GLCE: variants seen among roughly 807,000 people sequenced by gnomAD.
The protein encoded by GLCE is D-glucuronyl C5-epimerase.
Under a neutral mutation model 47.9 loss-of-function variants are expected in GLCE, and 19 were observed. The observed-to-expected ratio is 0.40, with a 90% CI of 0.28 to 0.58. The LOEUF (loss-of-function observed/expected upper bound fraction) is 0.58, where lower values mean the gene tolerates loss of function less well. GLCE is among the 20% of genes least tolerant of loss of function. The pLI is 0.48. For synonymous variants in GLCE, 245 were observed against 263.4 expected (o/e 0.93, Z 0.68); for missense variants, 556 against 743.3 (o/e 0.75, Z 2.93).
intron 1 of GLCE, among the ~76,000 whole-genome samples, chr15:69,177,089 G>A (rs141598180): frequency 4.0e-4 from 60 of 150,360 alleles, no homozygotes; most frequent in Non-Finnish European, 6.6e-4. Flanking sequence ...GTGCAATCTC[G>A]GCTCTCTGCA....
chr15:69,228,037 A>C (rs543414891), intron 2 of GLCE, among the ~76,000 whole-genome samples: 1 of 152,260 alleles, frequency 6.6e-6, no homozygotes, highest in Admixed American at 6.5e-5. Context: ...ATTTAAGCCT[A>C]CTCTTAAAAT....
chr15:69,235,396 C>T (rs1032796786), intron 2 of GLCE, among the ~76,000 whole-genome samples: 5 of 144,174 alleles, frequency 3.5e-5, no homozygotes, highest in African/African-American at 5.9e-5. Context: ...GTATGAGTCA[C>T]TGTGCCCGGC....
intron 2 of GLCE, among the ~76,000 whole-genome samples, chr15:69,249,142 C>T (rs1827384828): frequency 6.6e-6 from 1 of 152,062 alleles, no homozygotes; most frequent in Admixed American, 6.6e-5. Flanking sequence ...TAAGCAGTGA[C>T]CTGAATGAAG....
intron 2 of GLCE, among the ~76,000 whole-genome samples, chr15:69,216,266 C>G (rs1274163814): frequency 6.6e-6 from 1 of 152,046 alleles, no homozygotes; most frequent in African/African-American, 2.4e-5. Context: ...ATTTTAGAGT[C>G]TTTGGTGAGA....
At chr15:69,234,702 AAGGTCTTAAGC>A (rs2052571458) in intron 2 of GLCE, among the ~76,000 whole-genome samples, 1 of 152,210 alleles carries the variant, frequency 6.6e-6, no homozygotes. Flanking sequence ...AGCATGAAGT[AAGGTCTTAAGC>A]AGGAGGTTAA....
intron 2 of GLCE, among the ~76,000 whole-genome samples, chr15:69,235,171 G>C (rs376090676): frequency 8.3e-6 from 1 of 121,086 alleles, no homozygotes; most frequent in African/African-American, 3.1e-5. Context: ...GCAGTGGCAC[G>C]ATCTCAGCTT....
intron 1 of GLCE, among the ~76,000 whole-genome samples, chr15:69,206,311 C>T (rs1298215707): frequency 6.6e-6 from 1 of 152,026 alleles, no homozygotes. Flanking sequence ...TGCATGATGA[C>T]AGCATTACTT....
At chr15:69,216,544 T>C (rs1000284153) in intron 2 of GLCE, among the ~76,000 whole-genome samples, 1 of 152,152 alleles carries the variant, frequency 6.6e-6, no homozygotes, top group African/African-American at 2.4e-5. Context: ...TATTTAAGCC[T>C]GATACTTACT....
chr15:69,237,129 A>G (rs12439146), intron 2 of GLCE, among the ~76,000 whole-genome samples: 104,036 of 152,086 alleles, frequency 0.68, 36,951 homozygotes, highest in Non-Finnish European at 0.77. Flanking sequence ...CATTACTTCA[A>G]ATTGCAAGTA....
In GLCE at chr15:69,256,636, A is replaced by G. The variant is rs181561200; in HGVS notation, c.586+244A>G. Among the ~76,000 whole-genome samples the G allele has an allele frequency of 5.3e-5, 8 of 152,324 alleles. No individual in the cohort carries two copies. The East Asian group carries it at 1.5e-3, about 29-fold the overall frequency. Reference sequence around the variant, plus strand: ...ATTTTATTAACGTAACTCAGAATCTAAAATTCTCACCAGTAAGGTAAAGGC... The same window carrying G: ...ATTTTATTAACGTAACTCAGAATCTGAAATTCTCACCAGTAAGGTAAAGGC... On this transcript the variant is annotated intron_variant, in intron 3 of 4. Coordinates refer to ENST00000261858, the MANE Select transcript of GLCE (RefSeq NM_015554.3).
At chr15:69,255,563 T>C (rs2052909076) in intron 2 of GLCE, among the ~76,000 whole-genome samples, 1 of 152,144 alleles carries the variant, frequency 6.6e-6, no homozygotes, top group Non-Finnish European at 1.5e-5. Context: ...CTAAGAAAGT[T>C]TGAACATCTC....
At chr15:69,253,238 G>T (rs923724316) in intron 2 of GLCE, among the ~76,000 whole-genome samples, 1 of 152,200 alleles carries the variant, frequency 6.6e-6, no homozygotes, top group Non-Finnish European at 1.5e-5. Flanking sequence ...AAAGACGAAG[G>T]CTTCTAAAGT....
In GLCE at chr15:69,202,101, G is replaced by A. The variant is rs115855840; in HGVS notation, c.-104-8215G>A. Among the ~76,000 whole-genome samples the A allele has an allele frequency of 9.2e-3, 1,394 of 152,014 alleles. 15 individuals are homozygous for A. Among genetic ancestry groups the A allele is most frequent in the African/African-American group, 0.032 (1,308 of 41,480 alleles). On this transcript the variant is annotated intron_variant, in intron 1 of 4. Coordinates refer to ENST00000261858, the MANE Select transcript of GLCE (RefSeq NM_015554.3). ...CATCTGGCTATTTTTTACATCTTCTGTAGAGATGGAGTCTCACTATGTTAC... is the reference window on the plus strand; with the variant it reads ...CATCTGGCTATTTTTTACATCTTCTATAGAGATGGAGTCTCACTATGTTAC...
chr15:69,244,226 G>A (rs2052716434), intron 2 of GLCE, among the ~76,000 whole-genome samples: 1 of 152,200 alleles, frequency 6.6e-6, no homozygotes, highest in South Asian at 2.1e-4. Flanking sequence ...TGGGGACCAG[G>A]TAGCTTTCTT....
At chr15:69,224,784 C>T (rs2052423108) in intron 2 of GLCE, among the ~76,000 whole-genome samples, 1 of 152,194 alleles carries the variant, frequency 6.6e-6, no homozygotes, top group South Asian at 2.1e-4. Context: ...TGCACTTTAT[C>T]ATTTAGTCCT....
intron 2 of GLCE, among the ~76,000 whole-genome samples, chr15:69,245,487 G>A (rs1326016451): frequency 2.0e-5 from 3 of 152,128 alleles, no homozygotes; most frequent in African/African-American, 4.8e-5. Flanking sequence ...GCTCAGGGTG[G>A]TGGTTGCTGA....
intron 2 of GLCE, among the ~76,000 whole-genome samples, chr15:69,239,553 C>T (rs2052638108): frequency 6.6e-6 from 1 of 152,132 alleles, no homozygotes. Context: ...TCCCTCTAAC[C>T]CCACATCTAG....
At chr15:69,190,418 C>T (rs2051896395) in intron 1 of GLCE, among the ~76,000 whole-genome samples, 1 of 151,960 alleles carries the variant, frequency 6.6e-6, no homozygotes. Context: ...GTGGATTTGT[C>T]TGTTTGTGCT....
At chr15:69,261,493 T>TA (rs1254847515) in intron 4 of GLCE, among the ~76,000 whole-genome samples, 164 bp downstream of exon 4, 7 of 152,058 alleles carry the variant, frequency 4.6e-5, no homozygotes. Context: ...CTAAAAAAGA[T>TA]ACAGCTAAAA....
Sources: gnomAD v4.1 joint callset for allele counts (sites outside exome capture counted in the v4.1 genomes callset) on GRCh38, gnomAD v4.1.1 for gene constraint, MANE v1.5 for transcripts, NCBI Gene and HGNC (gene_info 2026-07-23, HGNC 2026-07-21) for gene names.